DNAH9: variants seen among roughly 807,000 people sequenced by gnomAD.
DNAH9 encodes the protein DNAH9 variant protein.
Under a neutral mutation model 471.6 loss-of-function variants are expected in DNAH9, and 345 were observed. That is an observed-to-expected ratio of 0.73 (90% CI 0.67 to 0.80). The LOEUF is 0.80. Among genes scored for constraint, DNAH9 ranks in the 30% least tolerant of loss-of-function variants. DNAH9 has a pLI of 0.00. For missense variants in DNAH9, 5,407 were observed against 5,609.2 expected, an observed-to-expected ratio of 0.96 and a Z score of 1.15; for synonymous variants, 2,093 against 2,123.6, an observed-to-expected ratio of 0.99 and a Z score of 0.40.
rs12940988 is a variant in DNAH9 at position 11,942,639 on chromosome 17, C to A, written c.12843+154C>A. Among the ~76,000 whole-genome samples the A allele has an allele frequency of 0.28, 42,966 of 152,084 alleles. 6,344 individuals are homozygous for A. The highest frequency in any genetic ancestry group is 0.35 in the Middle Eastern group (102 of 294). ...AAAAGTCATCACTCCCCAGAAACCA[C>A]AGCCTGGCCATGAGGTTGTCTACAA... is the stretch of plus-strand genomic sequence containing the variant. On this transcript the variant is annotated intron_variant, in intron 67 of 68. Coordinates refer to ENST00000262442, the MANE Select transcript of DNAH9 (RefSeq NM_001372.4).
intron 27 of DNAH9, among the ~76,000 whole-genome samples, chr17:11,721,576 G>A (rs1245472882): frequency 1.3e-5 from 2 of 152,108 alleles, no homozygotes; most frequent in African/African-American, 4.8e-5. Context: ...CATGTGCTGA[G>A]CATTGTGCAG....
At chr17:11,842,907 A>G (rs1015843061) in intron 49 of DNAH9, among the ~76,000 whole-genome samples, 32 of 152,216 alleles carry the variant, frequency 2.1e-4, no homozygotes, top group African/African-American at 7.2e-4. Flanking sequence ...CTTCAATCCA[A>G]TCAAGTTGAC....
At chr17:11,807,405 A>G (rs1969729308) in intron 43 of DNAH9, among the ~76,000 whole-genome samples, 1 of 152,078 alleles carries the variant, frequency 6.6e-6, no homozygotes, top group African/African-American at 2.4e-5. Flanking sequence ...TGGCAGGGTC[A>G]GTTATGGTGC....
In DNAH9 at chr17:11,853,896, C is replaced by T. The variant is rs539221586; in HGVS notation, c.9508-107C>T. On this transcript the variant is annotated intron_variant, in intron 49 of 68. Transcript: ENST00000262442. ...AAATTCAGAGGGCTGCTGCAGGCTT[C>T]AAAGCAGCCCTTTCAAACCGATCGC... 2.8e-6 allele frequency: 3 copies of T among 1,068,438 alleles called. No homozygotes were observed. In the South Asian group the frequency reaches 4.7e-5, roughly 17 times the overall value. The allele number at this position is 1,068,438 out of a possible 1,614,324, so 66.2% of individuals were successfully genotyped here. A position where few individuals can be genotyped will look rare whatever the true frequency, so the allele number is the denominator to read the frequency against.
intron 60 of DNAH9, among the ~76,000 whole-genome samples, chr17:11,905,005 G>A (rs1050354238): frequency 6.6e-6 from 1 of 151,596 alleles, no homozygotes; most frequent in Admixed American, 6.6e-5. Flanking sequence ...AGGCTGAGGC[G>A]GGTGGATCAC....
chr17:11,745,616 C>A (rs1175178816), intron 31 of DNAH9, among the ~76,000 whole-genome samples: 1 of 152,082 alleles, frequency 6.6e-6, no homozygotes, highest in Non-Finnish European at 1.5e-5. Flanking sequence ...ACAACAAAAA[C>A]AGCCAGTGAA....
chr17:11,740,476 G>A (rs1280870224), intron 29 of DNAH9, among the ~76,000 whole-genome samples: 3 of 152,124 alleles, frequency 2.0e-5, no homozygotes, highest in Non-Finnish European at 4.4e-5. Context: ...GGAGGAAAGA[G>A]GATGAGCTAG....
chr17:11,920,856 T>A (rs1974115691), intron 61 of DNAH9, among the ~76,000 whole-genome samples: 1 of 151,904 alleles, frequency 6.6e-6, no homozygotes, highest in South Asian at 2.1e-4. Context: ...GAAAGGGGTT[T>A]TTAGTCGGGT....
At chr17:11,663,886 A>C (rs1443927032) in intron 14 of DNAH9, among the ~76,000 whole-genome samples, 1 of 152,194 alleles carries the variant, frequency 6.6e-6, no homozygotes, top group East Asian at 1.9e-4. Context: ...AGAACATCTT[A>C]AGTCTACTTA....
At chr17:11,769,081 T>G (rs750517570) in intron 37 of DNAH9, 41 bp from the exon 38 acceptor site, 3 of 1,607,650 alleles carry the variant, frequency 1.9e-6, no homozygotes, top group African/African-American at 1.3e-5. Context: ...TGTTTCTCCC[T>G]AGAGCCCACC....
chr17:11,789,607 A>G (rs1968995188), intron 41 of DNAH9, among the ~76,000 whole-genome samples: 3 of 152,004 alleles, frequency 2.0e-5, no homozygotes, highest in Admixed American at 2.0e-4. Flanking sequence ...GTGCTAGTCA[A>G]AAAACCTGAA....
chr17:11,915,881 T>C (rs563383875), intron 61 of DNAH9, among the ~76,000 whole-genome samples: 4 of 152,350 alleles, frequency 2.6e-5, no homozygotes, highest in Non-Finnish European at 5.9e-5. Flanking sequence ...TAATTTTAAC[T>C]TATGTTTTGC....
At chr17:11,802,917 A>G (rs1200273568) in intron 43 of DNAH9, among the ~76,000 whole-genome samples, 1 of 152,194 alleles carries the variant, frequency 6.6e-6, no homozygotes, top group African/African-American at 2.4e-5. Flanking sequence ...GTTATGGACA[A>G]AAACCAAACC....
At chr17:11,945,662 G>T (rs1406029246) in intron 67 of DNAH9, among the ~76,000 whole-genome samples, 1 of 152,008 alleles carries the variant, frequency 6.6e-6, no homozygotes, top group East Asian at 1.9e-4. Flanking sequence ...AAGGAGGGGG[G>T]TGAGGAATGA....
At chr17:11,604,965 G>A (rs1389262937) in intron 1 of DNAH9, among the ~76,000 whole-genome samples, 3 of 152,080 alleles carry the variant, frequency 2.0e-5, no homozygotes, top group South Asian at 2.1e-4. Context: ...TTTCAATGAT[G>A]TCCATTTCTC....
chr17:11,886,293 C>T (rs1972873837), intron 56 of DNAH9, among the ~76,000 whole-genome samples: 1 of 152,140 alleles, frequency 6.6e-6, no homozygotes, highest in African/African-American at 2.4e-5. Context: ...CATTGGACTC[C>T]AGCCTGGGGA....
In DNAH9 at chr17:11,936,641, C is replaced by G. The variant is rs541208221; in HGVS notation, c.12490-711C>G. Among the ~76,000 whole-genome samples, 28 of 151,996 alleles carry G rather than the reference C, an allele frequency of 1.8e-4. No individual in the cohort carries two copies. The South Asian group carries it at 5.6e-3, about 31-fold the overall frequency. On this transcript the variant is annotated intron_variant, in intron 65 of 68. Transcript: ENST00000262442. Reference sequence around the variant, plus strand: ...TTTTCAGCAGAGTGAGAGCCTGTCTCACACACACACAATAAAATAAAATAA... The same window carrying G: ...TTTTCAGCAGAGTGAGAGCCTGTCTGACACACACACAATAAAATAAAATAA...
rs569440988 is a variant in DNAH9, at chr17:11,778,150, C to T, written c.7553-2859C>T. ...TGCTGGCATTTGGAAGAAGAGGATT[C>T]GAGGCAGAGGGTACAGCCAGAGCAA... On this transcript the variant is annotated intron_variant, in intron 38 of 68. Coordinates refer to ENST00000262442, the MANE Select transcript of DNAH9 (RefSeq NM_001372.4). 1.6e-4 allele frequency among the ~76,000 whole-genome samples: 24 copies of T among 151,312 alleles called. 1 individual carries two copies. In the South Asian group the frequency reaches 3.8e-3, roughly 24 times the overall value.
intron 61 of DNAH9, among the ~76,000 whole-genome samples, chr17:11,921,698 C>T (rs1974144199): frequency 6.6e-6 from 1 of 152,166 alleles, no homozygotes; most frequent in Non-Finnish European, 1.5e-5. Flanking sequence ...CCACCTTTGG[C>T]TGAGTGTTCA....
Sources: allele counts gnomAD v4.1 joint callset (sites outside exome capture counted in the v4.1 genomes callset), GRCh38; gene constraint gnomAD v4.1.1; transcripts MANE v1.5; gene names NCBI Gene and HGNC (gene_info 2026-07-23, HGNC 2026-07-21).